The following SPATS2L variants were observed in gnomAD, a reference collection of about 807,000 sequenced individuals.
SPATS2L encodes spermatogenesis associated serine rich 2 like, also known as SPATS2-like protein.
A neutral mutation model predicts 59.6 loss-of-function variants in SPATS2L; 30 were observed. The ratio of observed to expected loss-of-function variants is 0.50; its 90% CI spans 0.38 to 0.68. The LOEUF is 0.68. Ranked by LOEUF, SPATS2L falls within the 30% of genes least tolerant of loss-of-function variation. The pLI is 0.00. For missense variants in SPATS2L, 615 were observed against 700.0 expected, an observed-to-expected ratio of 0.88 and a Z score of 1.37; for synonymous variants, 252 against 263.5, an observed-to-expected ratio of 0.96 and a Z score of 0.42.
At chr2:200,329,537 G>A in intron 2 of SPATS2L, 57 bp downstream of exon 2, 1 of 1,469,754 alleles carries the variant, frequency 6.8e-7, no homozygotes. Context: ...ATGGCCAGCT[G>A]TCCCTACACC....
At chr2:200,368,195 T>C (rs1359062295) in intron 2 of SPATS2L, among the ~76,000 whole-genome samples, 1 of 152,176 alleles carries the variant, frequency 6.6e-6, no homozygotes. Flanking sequence ...AGAAGATGCA[T>C]ACTTGGTGAA....
intron 8 of SPATS2L, among the ~76,000 whole-genome samples, chr2:200,453,198 A>G (rs2085587964): frequency 6.6e-6 from 1 of 152,234 alleles, no homozygotes; most frequent in Admixed American, 6.5e-5. Context: ...AGTAACCAGC[A>G]TAGAGGGTGC....
intron 2 of SPATS2L, among the ~76,000 whole-genome samples, chr2:200,340,077 C>T (rs7423907): frequency 2.0e-5 from 3 of 152,146 alleles, no homozygotes; most frequent in East Asian, 1.9e-4. Flanking sequence ...AAAGAAACCT[C>T]GACCCACGTC....
At chr2:200,446,955 G>A (rs563402044) in intron 8 of SPATS2L, among the ~76,000 whole-genome samples, 1 of 152,264 alleles carries the variant, frequency 6.6e-6, no homozygotes, top group Admixed American at 6.5e-5. Context: ...TTATACTGAA[G>A]TGTAGAAAAT....
At chr2:200,463,471 A>C (rs1254328788) in intron 9 of SPATS2L, 1 of 152,196 alleles carries the variant, frequency 6.6e-6, no homozygotes, top group Non-Finnish European at 1.5e-5. Context: ...TGCACAAAAG[A>C]GGAAGTATAT....
intron 1 of SPATS2L, among the ~76,000 whole-genome samples, chr2:200,311,930 G>A (rs2079205144): frequency 6.6e-6 from 1 of 152,162 alleles, no homozygotes; most frequent in Admixed American, 6.5e-5. Context: ...TATAAGGATG[G>A]GGGAAGGGTG....
At position 200,465,186 on chromosome 2, in the gene SPATS2L, G is replaced by A. The variant is rs535819988; in HGVS notation, c.848-2104G>A. On this transcript the variant is annotated intron_variant, in intron 9 of 12. Coordinates refer to ENST00000409140, the MANE Select transcript of SPATS2L (RefSeq NM_001100423.2). ...AACATTAATGTGCCAAATGGGGCAGGGGGAAACCATGGCACACTGGGCACC... is the reference window on the plus strand; with the variant it reads ...AACATTAATGTGCCAAATGGGGCAGAGGGAAACCATGGCACACTGGGCACC... Among the ~76,000 whole-genome samples the A allele has an allele frequency of 1.8e-4, 27 of 152,296 alleles. 1 individual carries two copies. In the South Asian group the frequency reaches 5.6e-3, roughly 32 times the overall value.
intron 9 of SPATS2L, among the ~76,000 whole-genome samples, chr2:200,463,042 C>CA (rs148782541): frequency 0.15 from 23,363 of 151,942 alleles, 2,116 homozygotes; most frequent in South Asian, 0.2. Context: ...AATATGTGTG[C>CA]AAAAAGGGAA....
rs1257253219 is a variant in SPATS2L at position 200,478,691 on chromosome 2, C to T, written c.*660C>T. The stretch of plus-strand genomic sequence containing the variant: ...ACTCTTTCAGGAAAATATATATATG[C>T]CCTTTCAATTAGATTACACAAATAG... On this transcript the variant is annotated 3_prime_UTR_variant, in exon 13 of 13. Transcript: ENST00000409140. 1.3e-5 allele frequency: 2 copies of T among 152,138 alleles called. No homozygotes were observed. The highest frequency in any genetic ancestry group is 2.1e-4 in the South Asian group (1 of 4,814). 9.4% of individuals were successfully genotyped at this position (152,138 alleles called of 1,614,324 possible). A position where few individuals can be genotyped will look rare whatever the true frequency, so the allele number is the denominator to read the frequency against.
At chr2:200,401,129 C>T (rs1049178878) in intron 3 of SPATS2L, among the ~76,000 whole-genome samples, 22 of 152,116 alleles carry the variant, frequency 1.4e-4, no homozygotes, top group African/African-American at 5.1e-4. Flanking sequence ...CTGACTGTTC[C>T]ACCATGCTTC....
At chr2:200,375,974 A>G (rs2081585953) in intron 2 of SPATS2L, among the ~76,000 whole-genome samples, 1 of 152,190 alleles carries the variant, frequency 6.6e-6, no homozygotes, top group Non-Finnish European at 1.5e-5. Context: ...ATAACTTAGT[A>G]TGAGGGGTTA....
chr2:200,378,791 GC>G (rs1196013630), intron 2 of SPATS2L, among the ~76,000 whole-genome samples: 2 of 152,116 alleles, frequency 1.3e-5, no homozygotes, highest in East Asian at 3.8e-4. Flanking sequence ...TAAACACAGA[GC>G]TTTTGTTTGC....
intron 6 of SPATS2L, among the ~76,000 whole-genome samples, chr2:200,421,524 A>G (rs2083305905): frequency 6.6e-6 from 1 of 152,208 alleles, no homozygotes; most frequent in Admixed American, 6.5e-5. Context: ...TAACTGGCAC[A>G]CTCTGTAATA....
intron 2 of SPATS2L, among the ~76,000 whole-genome samples, chr2:200,352,747 G>C (rs1359400855): frequency 6.6e-6 from 1 of 152,150 alleles, no homozygotes; most frequent in Non-Finnish European, 1.5e-5. Context: ...TTGTTCCTTA[G>C]CCTCATGGGC....
Position 200,329,587 on chromosome 2 carries a change from G to A in SPATS2L, c.-23+107G>A, listed in dbSNP as rs1037402357. On this transcript the variant is annotated intron_variant, in intron 2 of 12. Transcript: ENST00000409140. The stretch of plus-strand genomic sequence containing the variant: ...GGGAGCCTTGTCACAGCCTTTGGCC[G>A]CCTCTGCTGCCTCTCAGGGCTCAAC... 55 of 886,758 alleles carry A rather than the reference G, an allele frequency of 6.2e-5. No individual in the cohort carries two copies. In the East Asian group the frequency reaches 6.9e-4, roughly 11 times the overall value. 54.9% of individuals were successfully genotyped at this position (886,758 alleles called of 1,614,324 possible). A position where few individuals can be genotyped will look rare whatever the true frequency, so the allele number is the denominator to read the frequency against.
rs368293297 is a variant in SPATS2L, at chr2:200,478,888, T to A, written c.*857T>A. 3.3e-5 allele frequency: 5 copies of A among 152,004 alleles called. No homozygotes were observed. The East Asian group carries it at 9.6e-4, about 29-fold the overall frequency. The allele number at this position is 152,004 out of a possible 1,614,324, so 9.4% of individuals were successfully genotyped here. On this transcript the variant is annotated 3_prime_UTR_variant, in exon 13 of 13. Transcript: ENST00000409140. Reference sequence around the variant, plus strand: ...AATTTGATCAGGATTTCAGCTCCCATCTCTTTTTTTTTTTTCTTTTTTCTT... The same window carrying A: ...AATTTGATCAGGATTTCAGCTCCCAACTCTTTTTTTTTTTTCTTTTTTCTT...
chr2:200,384,038 T>G (rs960945821), intron 2 of SPATS2L: 2 of 996,010 alleles, frequency 2.0e-6, no homozygotes, highest in Non-Finnish European at 2.4e-6. Flanking sequence ...TGATAGAACT[T>G]TGCATGTTTT....
intron 8 of SPATS2L, among the ~76,000 whole-genome samples, chr2:200,456,330 A>G (rs771788566): frequency 9.2e-5 from 14 of 152,214 alleles, no homozygotes; most frequent in Admixed American, 8.5e-4. Context: ...ACAATCTTCT[A>G]TGGAAATACC....
chr2:200,349,616 C>T (rs1181987125), intron 2 of SPATS2L, among the ~76,000 whole-genome samples: 2 of 152,272 alleles, frequency 1.3e-5, no homozygotes, highest in African/African-American at 4.8e-5. Flanking sequence ...CCAGCCTGGA[C>T]AACAGAGCAA....
Sources: gnomAD v4.1 joint callset for allele counts (sites outside exome capture counted in the v4.1 genomes callset) on GRCh38, gnomAD v4.1.1 for gene constraint, MANE v1.5 for transcripts, NCBI Gene and HGNC (gene_info 2026-07-23, HGNC 2026-07-21) for gene names.